KCTD16: variants seen among roughly 807,000 people sequenced by gnomAD.
KCTD16 encodes BTB/POZ domain-containing protein KCTD16.
A neutral mutation model predicts 33.2 loss-of-function variants in KCTD16; 13 were observed. The observed-to-expected ratio is 0.39, with a 90% CI of 0.25 to 0.62. KCTD16 has a LOEUF of 0.62. Ranked by LOEUF, KCTD16 falls within the 20% of genes least tolerant of loss-of-function variation. KCTD16 has a pLI of 0.50. For synonymous variants in KCTD16, 197 were observed against 195.3 expected, an observed-to-expected ratio of 1.01 and a Z score of -0.07; for missense variants, 441 against 525.1, an observed-to-expected ratio of 0.84 and a Z score of 1.57.
chr5:144,432,953 T>C (rs1476685787), intron 3 of KCTD16, among the ~76,000 whole-genome samples: 1 of 152,304 alleles, frequency 6.6e-6, no homozygotes, highest in East Asian at 1.9e-4. Context: ...GTAGACATCA[T>C]TGCCAAAATT....
intron 3 of KCTD16, among the ~76,000 whole-genome samples, chr5:144,261,123 C>A (rs1366559297): frequency 3.4e-5 from 2 of 59,498 alleles, no homozygotes; most frequent in Admixed American, 2.3e-4. Context: ...TAAAAATGAA[C>A]AAATGAAAGA....
At chr5:144,425,107 A>G (rs1301608724) in intron 3 of KCTD16, among the ~76,000 whole-genome samples, 1 of 152,176 alleles carries the variant, frequency 6.6e-6, no homozygotes, top group Admixed American at 6.5e-5. Context: ...CTGTGAACCT[A>G]TGAAACAAGT....
intron 2 of KCTD16, among the ~76,000 whole-genome samples, chr5:144,188,308 A>G (rs766969366): frequency 1.3e-5 from 2 of 152,218 alleles, no homozygotes; most frequent in Non-Finnish European, 2.9e-5. Flanking sequence ...GCAGTAGGGA[A>G]TCATTAAGGC....
chr5:144,442,821 G>C (rs1753742683), intron 3 of KCTD16, among the ~76,000 whole-genome samples: 1 of 151,984 alleles, frequency 6.6e-6, no homozygotes, highest in African/African-American at 2.4e-5. Context: ...GTTAAGCATG[G>C]AGACCTGCTC....
Position 144,336,834 on chromosome 5 carries a change from A to G in KCTD16, c.832+129288A>G, listed in dbSNP as rs183969135. ...ACACATCATACCCACACACAAACCCACACATACTCCTACATGCCTCTCATA... is the reference window on the plus strand; with the variant it reads ...ACACATCATACCCACACACAAACCCGCACATACTCCTACATGCCTCTCATA... On this transcript the variant is annotated intron_variant, in intron 3 of 3. Transcript: ENST00000512467. Among the ~76,000 whole-genome samples, 22 of 152,004 alleles carry G rather than the reference A, an allele frequency of 1.4e-4. No homozygotes were observed. In the East Asian group the frequency reaches 4.3e-3, roughly 29 times the overall value.
intron 3 of KCTD16, among the ~76,000 whole-genome samples, chr5:144,464,606 C>T (rs977021793): frequency 1.3e-5 from 2 of 152,214 alleles, no homozygotes; most frequent in Non-Finnish European, 2.9e-5. Context: ...TTGTAAAGCA[C>T]TTACTATCAC....
intron 3 of KCTD16, among the ~76,000 whole-genome samples, chr5:144,343,014 C>A (rs1752687728): frequency 6.6e-6 from 1 of 152,198 alleles, no homozygotes; most frequent in Non-Finnish European, 1.5e-5. Flanking sequence ...CATCAATGTT[C>A]ATCAAGGATA....
chr5:144,212,451 G>GC (rs1278063173), intron 3 of KCTD16, among the ~76,000 whole-genome samples: 2 of 152,096 alleles, frequency 1.3e-5, no homozygotes, highest in East Asian at 3.9e-4. Context: ...CTCTGAAGTT[G>GC]CCCCCAAGTG....
At chr5:144,389,731 C>T (rs906412242) in intron 3 of KCTD16, among the ~76,000 whole-genome samples, 1 of 152,066 alleles carries the variant, frequency 6.6e-6, no homozygotes, top group Non-Finnish European at 1.5e-5. Context: ...TGAGGGACAG[C>T]TGATGTAAGG....
chr5:144,400,389 C>T (rs1752675860), intron 3 of KCTD16, among the ~76,000 whole-genome samples: 1 of 152,186 alleles, frequency 6.6e-6, no homozygotes, highest in Non-Finnish European at 1.5e-5. Context: ...AGTTCCAAAA[C>T]ATAAAACTTG....
In KCTD16 at chr5:144,182,762, A is replaced by AAG. The variant is rs543870540; in HGVS notation, c.-327+8306_-327+8307dup. On this transcript the variant is annotated intron_variant, in intron 2 of 3. Coordinates refer to ENST00000512467, the MANE Select transcript of KCTD16 (RefSeq NM_020768.4). ...TCCCTGTCTGAGAGAGAGAGAGAGAAAGAGAGAGAGAGAGAGAAAGACAGA... is the reference window on the plus strand; with the variant it reads ...TCCCTGTCTGAGAGAGAGAGAGAGAAAGAGAGAGAGAGAGAGAGAAAGACAGA... Among the ~76,000 whole-genome samples, 599 of 149,516 alleles carry AAG rather than the reference A, an allele frequency of 4.0e-3. 6 individuals carry two copies. Among genetic ancestry groups the AAG allele is most frequent in the African/African-American group, 0.013 (541 of 40,772 alleles).
intron 3 of KCTD16, among the ~76,000 whole-genome samples, chr5:144,222,818 T>G (rs1012241479): frequency 1.3e-5 from 2 of 152,226 alleles, no homozygotes; most frequent in African/African-American, 2.4e-5. Flanking sequence ...TTATAAATCA[T>G]GCTGCTATAA....
intron 3 of KCTD16, among the ~76,000 whole-genome samples, chr5:144,301,951 C>T (rs550521180): frequency 2.2e-4 from 33 of 152,252 alleles, no homozygotes; most frequent in Middle Eastern, 3.4e-3. Context: ...AATACTTATT[C>T]TGTGGCAGTC....
At chr5:144,351,568 C>T (rs9654497) in intron 3 of KCTD16, among the ~76,000 whole-genome samples, 8 of 152,112 alleles carry the variant, frequency 5.3e-5, no homozygotes, top group South Asian at 4.1e-4. Flanking sequence ...ATCCAAAGGA[C>T]GTGAAATCAG....
rs376817127 is a variant in KCTD16 at position 144,481,481 on chromosome 5, A to C, written c.*7367A>C. ...GTCTAAGCACAAGTCCTTGCTACTGAGTCTTATTGTTTAGTTTATATACAC... is the reference window on the plus strand; with the variant it reads ...GTCTAAGCACAAGTCCTTGCTACTGCGTCTTATTGTTTAGTTTATATACAC... On this transcript the variant is annotated 3_prime_UTR_variant, in exon 4 of 4. Transcript: ENST00000512467. 34 of 152,000 alleles carry C rather than the reference A, an allele frequency of 2.2e-4. No individual in the cohort carries two copies. The highest frequency in any genetic ancestry group is 8.0e-4 in the African/African-American group (33 of 41,488). The allele number at this position is 152,000 out of a possible 1,614,324, so 9.4% of individuals were successfully genotyped here. A position where few individuals can be genotyped will look rare whatever the true frequency, so the allele number is the denominator to read the frequency against.
chr5:144,231,912 G>C (rs1243669283), intron 3 of KCTD16, among the ~76,000 whole-genome samples: 1 of 152,134 alleles, frequency 6.6e-6, no homozygotes, highest in Non-Finnish European at 1.5e-5. Flanking sequence ...CGTGAGAACA[G>C]ACTAATACAC....
chr5:144,175,730 A>T (rs1221767550), intron 2 of KCTD16, among the ~76,000 whole-genome samples: 1 of 152,212 alleles, frequency 6.6e-6, no homozygotes, highest in African/African-American at 2.4e-5. Context: ...CATCTGTAAA[A>T]GCAAGATAGG....
At chr5:144,212,401 C>T (rs1753425062) in intron 3 of KCTD16, among the ~76,000 whole-genome samples, 1 of 152,122 alleles carries the variant, frequency 6.6e-6, no homozygotes, top group Non-Finnish European at 1.5e-5. Flanking sequence ...AGGTATTTGG[C>T]AGCAAGAATT....
chr5:144,376,363 C>G (rs1156585942), intron 3 of KCTD16, among the ~76,000 whole-genome samples: 1 of 152,064 alleles, frequency 6.6e-6, no homozygotes, highest in Admixed American at 6.5e-5. Context: ...CAAAATGTTA[C>G]AATCTCGGTA....
Sources: allele counts gnomAD v4.1 joint callset (sites outside exome capture counted in the v4.1 genomes callset), GRCh38; gene constraint gnomAD v4.1.1; transcripts MANE v1.5; gene names NCBI Gene and HGNC (gene_info 2026-07-23, HGNC 2026-07-21).